Variants in CA10 observed in about 807,000 individuals in gnomAD.
CA10 encodes the protein carbonic anhydrase-related protein 10.
In CA10, 14 loss-of-function variants were observed where a neutral mutation model predicts 44.2. The ratio of observed to expected loss-of-function variants is 0.32; its 90% CI spans 0.21 to 0.50. The LOEUF (loss-of-function observed/expected upper bound fraction) is 0.50. Ranked by LOEUF, CA10 falls within the 20% of genes least tolerant of loss-of-function variation. CA10 has a pLI of 0.99. For synonymous variants in CA10, 159 were observed against 141.6 expected (o/e 1.12, Z -0.87); for missense variants, 350 against 409.7 (o/e 0.85, Z 1.26).
intron 3 of CA10, among the ~76,000 whole-genome samples, chr17:51,855,421 A>G (rs1978997819): frequency 6.6e-6 from 1 of 152,366 alleles, no homozygotes; most frequent in East Asian, 1.9e-4. Context: ...ACCATTGACT[A>G]TAAGACCCAT....
At chr17:51,666,501 T>C (rs1040200882) in intron 4 of CA10, among the ~76,000 whole-genome samples, 8 of 152,266 alleles carry the variant, frequency 5.3e-5, no homozygotes, top group Admixed American at 5.2e-4. Flanking sequence ...AGTGACCCTT[T>C]ACTGTAGCGC....
intron 1 of CA10, among the ~76,000 whole-genome samples, chr17:52,089,670 A>G (rs1307467193): frequency 6.6e-6 from 1 of 152,138 alleles, no homozygotes; most frequent in African/African-American, 2.4e-5. Flanking sequence ...TAAGACATTA[A>G]CAACAATAGC....
In CA10 at chr17:52,108,194, TTA is replaced by T. The variant is rs71149392; in HGVS notation, c.62-35803_62-35802del. Among the ~76,000 whole-genome samples the T allele has an allele frequency of 1.2e-3, 70 of 58,000 alleles. 1 individual carries two copies. The highest frequency in any genetic ancestry group is 0.013 in the Middle Eastern group (1 of 78). The allele number at this position is 58,000 out of a possible 152,430, so 38.1% of individuals were successfully genotyped here. A position where few individuals can be genotyped will look rare whatever the true frequency, so the allele number is the denominator to read the frequency against. ...TAATATATTTTTATATATATATTTT[TTA>T]TATATATATATATATATATATATAT... On this transcript the variant is annotated intron_variant, in intron 1 of 8. Transcript: ENST00000451037.
intron 2 of CA10, among the ~76,000 whole-genome samples, chr17:51,940,953 A>G (rs1002960852): frequency 1.3e-5 from 2 of 152,178 alleles, no homozygotes; most frequent in African/African-American, 4.8e-5. Flanking sequence ...ATCATAGCCA[A>G]TTCTTTTTAT....
intron 3 of CA10, among the ~76,000 whole-genome samples, chr17:51,876,098 A>T (rs1980059718): frequency 6.6e-6 from 1 of 151,604 alleles, no homozygotes; most frequent in Non-Finnish European, 1.5e-5. Context: ...TGATATAGAT[A>T]ATGCAGCTAT....
intron 2 of CA10, among the ~76,000 whole-genome samples, chr17:51,937,988 T>A (rs1419578790): frequency 2.6e-5 from 4 of 152,278 alleles, no homozygotes; most frequent in African/African-American, 9.6e-5. Context: ...GAATGCCAAC[T>A]ATTATACAGG....
chr17:51,807,202 G>A (rs1309668126), intron 3 of CA10, among the ~76,000 whole-genome samples: 1 of 152,166 alleles, frequency 6.6e-6, no homozygotes, highest in Non-Finnish European at 1.5e-5. Context: ...GCACACCATG[G>A]TGAACGCTTC....
intron 3 of CA10, among the ~76,000 whole-genome samples, chr17:51,902,422 T>TC (rs1981357929): frequency 6.6e-6 from 1 of 152,150 alleles, no homozygotes; most frequent in African/African-American, 2.4e-5. Context: ...TATCTTTTTT[T>TC]CCCCATTTGT....
At chr17:51,721,039 A>T (rs1916334042) in intron 4 of CA10, among the ~76,000 whole-genome samples, 1 of 152,130 alleles carries the variant, frequency 6.6e-6, no homozygotes, top group African/African-American at 2.4e-5. Flanking sequence ...TTAAACATAA[A>T]CTTTATTAGG....
At chr17:51,979,857 G>GT in intron 2 of CA10, among the ~76,000 whole-genome samples, 1 of 152,186 alleles carries the variant, frequency 6.6e-6, no homozygotes, top group Non-Finnish European at 1.5e-5. Context: ...ACACGGTCCT[G>GT]TTTTTTAAGA....
intron 3 of CA10, among the ~76,000 whole-genome samples, chr17:51,849,163 GTATATATATATACATATATGTATA>G (rs1235664217): frequency 0.033 from 3,021 of 90,238 alleles, 112 homozygotes; most frequent in Middle Eastern, 0.074. Flanking sequence ...ATACATATAT[GTATATATATATACATATATGTATA>G]TATATATATA....
In CA10 at chr17:52,158,096, C is replaced by G. The variant is rs1029201463; in HGVS notation, c.-310G>C. 4 of 503,388 alleles carry G rather than the reference C, an allele frequency of 7.9e-6. No individual in the cohort carries two copies. The highest frequency in any genetic ancestry group is 1.4e-5 in the Non-Finnish European group (4 of 279,174). The allele number at this position is 503,388 out of a possible 1,614,324, so 31.2% of individuals were successfully genotyped here. A position where few individuals can be genotyped will look rare whatever the true frequency, so the allele number is the denominator to read the frequency against. On this transcript the variant is annotated 5_prime_UTR_variant, in exon 1 of 9. Transcript: ENST00000451037. ...CTTCGCACCAGCGGCGGAAACCGCA[C>G]TAGCAGCGGCGGCGGCGGCGGCGGC...
chr17:51,633,765 G>T, intron 7 of CA10, 115 bp from the exon 8 acceptor site: 1 of 1,123,592 alleles, frequency 8.9e-7, no homozygotes. Flanking sequence ...TGAGGAAAGG[G>T]CTGTATAAGC....
At chr17:51,851,993 C>T (rs1330363389) in intron 3 of CA10, among the ~76,000 whole-genome samples, 1 of 152,148 alleles carries the variant, frequency 6.6e-6, no homozygotes, top group Non-Finnish European at 1.5e-5. Context: ...CAGAAGTCCA[C>T]ACATAATAAA....
intron 4 of CA10, among the ~76,000 whole-genome samples, chr17:51,692,448 G>C (rs1484691077): frequency 6.6e-6 from 1 of 150,940 alleles, no homozygotes; most frequent in Non-Finnish European, 1.5e-5. Flanking sequence ...CCATGGGAAT[G>C]ATAGGTTTTT....
At chr17:52,025,355 T>C (rs747234689) in intron 2 of CA10, among the ~76,000 whole-genome samples, 3 of 152,032 alleles carry the variant, frequency 2.0e-5, no homozygotes, top group African/African-American at 4.8e-5. Context: ...AAAGCTAACT[T>C]ATTGTCATAG....
At chr17:51,952,881 A>G (rs894647392) in intron 2 of CA10, among the ~76,000 whole-genome samples, 1 of 152,108 alleles carries the variant, frequency 6.6e-6, no homozygotes, top group South Asian at 2.1e-4. Flanking sequence ...GACTCATCCT[A>G]TATGAAAACC....
At chr17:52,121,679 TACAC>T (rs10567649) in intron 1 of CA10, among the ~76,000 whole-genome samples, 141 of 148,932 alleles carry the variant, frequency 9.5e-4, no homozygotes, top group Middle Eastern at 3.5e-3. Flanking sequence ...CACACACAGA[TACAC>T]ACACACACAC....
At chr17:51,987,394 G>GA (rs1202163721) in intron 2 of CA10, among the ~76,000 whole-genome samples, 1 of 151,950 alleles carries the variant, frequency 6.6e-6, no homozygotes, top group Non-Finnish European at 1.5e-5. Context: ...GGAAGGGGGC[G>GA]AGGGATAAAA....
Sources: allele counts gnomAD v4.1 joint callset (sites outside exome capture counted in the v4.1 genomes callset), GRCh38; gene constraint gnomAD v4.1.1; transcripts MANE v1.5; gene names NCBI Gene and HGNC (gene_info 2026-07-23, HGNC 2026-07-21).